GANC: variants seen among roughly 807,000 people sequenced by gnomAD.
The protein encoded by GANC is glucosidase alpha, neutral C.
GANC carries 117 observed loss-of-function variants against 124.2 expected under a neutral mutation model. That is an observed-to-expected ratio of 0.94 (90% CI 0.81 to 1.10). The LOEUF is 1.10. GANC is among the 50% of genes least tolerant of loss of function. The pLI is 0.00. For synonymous variants in GANC, 377 were observed against 376.8 expected, an observed-to-expected ratio of 1.00 and a Z score of -0.01; for missense variants, 1,140 against 1,095.0, an observed-to-expected ratio of 1.04 and a Z score of -0.58.
At chr15:42,279,040 T>C (rs558038176) in intron 3 of GANC, among the ~76,000 whole-genome samples, 1 of 152,232 alleles carries the variant, frequency 6.6e-6, no homozygotes, top group Non-Finnish European at 1.5e-5. Flanking sequence ...TCTTTTCGTA[T>C]CTATACTAAT....
chr15:42,292,583 A>G, intron 4 of GANC, 152 bp from the exon 5 acceptor site: 1 of 672,208 alleles, frequency 1.5e-6, no homozygotes, highest in Non-Finnish European at 2.4e-6. Flanking sequence ...TTGGCATCAA[A>G]GCCAATGCTC....
chr15:42,288,106 C>T (rs188302396), intron 4 of GANC, among the ~76,000 whole-genome samples: 128 of 152,232 alleles, frequency 8.4e-4, no homozygotes, highest in Admixed American at 2.2e-3. Context: ...TCCCTGCTCT[C>T]CTTCTCACAA....
At chr15:42,350,562 T>TG (rs2052420200) in intron 22 of GANC, among the ~76,000 whole-genome samples, 1 of 150,112 alleles carries the variant, frequency 6.7e-6, no homozygotes, top group South Asian at 2.1e-4. Context: ...TTTTTTTTTT[T>TG]TTTTTTTGAG....
chr15:42,330,817 TCG>T, intron 15 of GANC, 145 bp downstream of exon 15: 2 of 591,232 alleles, frequency 3.4e-6, no homozygotes. Flanking sequence ...AAACAGAGTC[TCG>T]CTTTGTCACC....
chr15:42,300,966 C>G (rs966179496), intron 6 of GANC, among the ~76,000 whole-genome samples: 8 of 148,426 alleles, frequency 5.4e-5, no homozygotes, highest in Non-Finnish European at 7.4e-5. Context: ...TGCAGTGAGC[C>G]AAGATGATGC....
chr15:42,297,160 G>A (rs568522613), intron 5 of GANC, among the ~76,000 whole-genome samples: 1 of 151,820 alleles, frequency 6.6e-6, no homozygotes, highest in African/African-American at 2.4e-5. Flanking sequence ...GTTCTACCTT[G>A]CTTACTTAGA....
At chr15:42,341,605 C>T (rs935651759) in intron 18 of GANC, among the ~76,000 whole-genome samples, 2 of 151,780 alleles carry the variant, frequency 1.3e-5, no homozygotes, top group Non-Finnish European at 2.9e-5. Context: ...ACTTTGTCAC[C>T]CAGGCTGGAG....
intron 16 of GANC, 114 bp from the exon 17 acceptor site, chr15:42,339,555 A>T: frequency 8.0e-7 from 1 of 1,250,740 alleles, no homozygotes; most frequent in Non-Finnish European, 1.1e-6. Flanking sequence ...TTATCCTGTC[A>T]TTTGAAGTGC....
chr15:42,332,625 A>G (rs1368223453), intron 15 of GANC, among the ~76,000 whole-genome samples: 1 of 152,220 alleles, frequency 6.6e-6, no homozygotes, highest in African/African-American at 2.4e-5. Context: ...GAATGTCTCC[A>G]TACGGATTTC....
intron 22 of GANC, among the ~76,000 whole-genome samples, chr15:42,350,956 C>G (rs2052428733): frequency 6.6e-6 from 1 of 151,916 alleles, no homozygotes; most frequent in Non-Finnish European, 1.5e-5. Context: ...ACTGCAACCT[C>G]TATCTCCCAG....
intron 17 of GANC, 37 bp downstream of exon 17, chr15:42,339,949 C>A (rs112976093): frequency 0.077 from 122,999 of 1,594,524 alleles, 5,736 homozygotes; most frequent in South Asian, 0.17. Flanking sequence ...CCCCAGCAAC[C>A]AATCTGTAAT....
chr15:42,276,442 A>G (rs2051672764), intron 2 of GANC, 32 bp downstream of exon 2: 1 of 964,222 alleles, frequency 1.0e-6, no homozygotes, highest in African/African-American at 1.6e-5. Flanking sequence ...GCTAGATCAA[A>G]ACATCTCTGA....
At chr15:42,330,743 T>A in intron 15 of GANC, 71 bp downstream of exon 15, 1 of 960,330 alleles carries the variant, frequency 1.0e-6, no homozygotes, top group South Asian at 1.4e-5. Flanking sequence ...TAGAATGTGA[T>A]GTTACTGTGC....
chr15:42,316,087 A>T (rs950082995), intron 10 of GANC, among the ~76,000 whole-genome samples: 1 of 152,130 alleles, frequency 6.6e-6, no homozygotes, highest in Non-Finnish European at 1.5e-5. Context: ...CCTAACTGAT[A>T]CACCCAGCAA....
intron 4 of GANC, among the ~76,000 whole-genome samples, chr15:42,289,835 G>A (rs966081761): frequency 2.0e-5 from 3 of 152,164 alleles, no homozygotes; most frequent in African/African-American, 7.2e-5. Context: ...CAGTAAATAA[G>A]TTAAAATGGG....
At position 42,326,333 on chromosome 15, in the gene GANC, T is replaced by A. The variant is rs2578652; in HGVS notation, c.1329T>A (p.Asp443Glu). 138,445 of 1,613,552 alleles carry A rather than the reference T, an allele frequency of 0.086. 6,861 individuals carry two copies. The highest frequency in any genetic ancestry group is 0.096 in the Non-Finnish European group (113,542 of 1,179,518). The change falls in exon 12 of 24, where the codon GAT (aspartate) becomes GAA (glutamate). Residue 443 changes from aspartate (D) to glutamate (E), a missense_variant. Transcript: ENST00000318010. Reference protein sequence around the residue: ...VVISDPHIKIDPDYSVYVKAK... With the variant: ...VVISDPHIKIEPDYSVYVKAK... ...TCAGTGATCCCCACATCAAGATTGA[T>A]CCTGACTACTCAGTATATGTGAAGG...
intron 11 of GANC, 72 bp from the exon 12 acceptor site, chr15:42,326,226 G>A: frequency 4.6e-6 from 5 of 1,092,394 alleles, no homozygotes; most frequent in Non-Finnish European, 6.8e-6. Flanking sequence ...CCCAAACTAT[G>A]GCGAAAACAT....
In GANC at chr15:42,302,596, A is replaced by G. The variant is rs2051956814; in HGVS notation, c.559-3950A>G. ...TGTTCTAACCCAATGCAAGGAAGCT[A>G]AGAACCTTGAAAAAAGGTTAGAGGA... On this transcript the variant is annotated intron_variant, in intron 6 of 23. Coordinates refer to ENST00000318010, the MANE Select transcript of GANC (RefSeq NM_198141.3). Among the ~76,000 whole-genome samples the G allele has an allele frequency of 2.0e-5, 3 of 152,274 alleles. No homozygotes were observed. The South Asian group carries it at 6.2e-4, about 32-fold the overall frequency.
rs8037051 is a variant in GANC at position 42,287,943 on chromosome 15, G to A, written c.329+125G>A. ...CTCAAAACTACAGTCATTTAGGTTG[G>A]TGTAAAAGTAATTGTGGTTTTTGCC... On this transcript the variant is annotated intron_variant, in intron 4 of 23. Coordinates refer to ENST00000318010, the MANE Select transcript of GANC (RefSeq NM_198141.3). 5.0e-3 allele frequency: 4,625 copies of A among 924,968 alleles called. 163 individuals carry two copies. The African/African-American group carries it at 0.071, about 14-fold the overall frequency. The allele number at this position is 924,968 out of a possible 1,614,324, so 57.3% of individuals were successfully genotyped here. A position where few individuals can be genotyped will look rare whatever the true frequency, so the allele number is the denominator to read the frequency against.
Sources: allele counts gnomAD v4.1 joint callset (sites outside exome capture counted in the v4.1 genomes callset), GRCh38; gene constraint gnomAD v4.1.1; transcripts MANE v1.5; gene names NCBI Gene and HGNC (gene_info 2026-07-23, HGNC 2026-07-21).